Variants in ST6GAL2 observed in about 807,000 individuals in gnomAD.
ST6GAL2 encodes ST6 beta-galactoside alpha-2,6-sialyltransferase 2.
In ST6GAL2, 24 loss-of-function variants were observed where a neutral mutation model predicts 37.5. The ratio of observed to expected loss-of-function variants is 0.64; its 90% CI spans 0.46 to 0.90. The LOEUF (loss-of-function observed/expected upper bound fraction) is 0.90. Ranked by LOEUF, ST6GAL2 falls within the 40% of genes least tolerant of loss-of-function variation. The pLI is 0.00. For missense variants in ST6GAL2, 715 were observed against 712.7 expected, an observed-to-expected ratio of 1.00 and a Z score of -0.04; for synonymous variants, 306 against 295.1, an observed-to-expected ratio of 1.04 and a Z score of -0.38.
rs1677029880 is a variant in ST6GAL2 at position 106,843,783 on chromosome 2, T to C, written c.195A>G (p.Ala65=). Residue 65 remains alanine (A), a synonymous_variant, in exon 2 of 6, where the codon GCA becomes GCG. Transcript: ENST00000409382. ...QGKQRAIMGA[A]HEPSPPGGLD... is the part of the protein sequence containing the mutation. ...GGCCCCCAGGCGGGGAGGGCTCATG[T>C]GCGGCGCCCATGATGGCCCGCTGCT... is the stretch of plus-strand genomic sequence containing the variant. 1 of 1,610,644 alleles carries C rather than the reference T, an allele frequency of 6.2e-7. No individual in the cohort carries two copies. The highest frequency in any genetic ancestry group is 8.5e-7 in the Non-Finnish European group (1 of 1,178,364).
chr2:106,828,042 C>A (rs1002734675), intron 5 of ST6GAL2, among the ~76,000 whole-genome samples: 13 of 152,170 alleles, frequency 8.5e-5, no homozygotes, highest in Non-Finnish European at 1.5e-5. Flanking sequence ...GCTTCTGAAA[C>A]TTTAAATTCT....
chr2:106,805,770 C>G lies in ST6GAL2; in HGVS notation c.*908G>C, dbSNP rs775830471. 1.3e-5 allele frequency: 2 copies of G among 152,220 alleles called. No individual in the cohort carries two copies. The highest frequency in any genetic ancestry group is 2.9e-5 in the Non-Finnish European group (2 of 68,042). The allele number at this position is 152,220 out of a possible 1,614,324, so 9.4% of individuals were successfully genotyped here. On this transcript the variant is annotated 3_prime_UTR_variant, in exon 6 of 6. Transcript: ENST00000409382. ...GAAGGAGCAAGGTGTCTCCCGTCTT[C>G]CCCAGCACAGCTGTGCCAATTGTCA...
intron 2 of ST6GAL2, among the ~76,000 whole-genome samples, chr2:106,842,615 CT>C (rs1676936899): frequency 6.6e-6 from 1 of 152,208 alleles, no homozygotes; most frequent in Non-Finnish European, 1.5e-5. Flanking sequence ...CATATTCCCA[CT>C]GCAGGATGGG....
intron 5 of ST6GAL2, among the ~76,000 whole-genome samples, chr2:106,812,763 G>C (rs1287163899): frequency 6.6e-6 from 1 of 152,180 alleles, no homozygotes; most frequent in Admixed American, 6.5e-5. Flanking sequence ...ATCTGGTTAT[G>C]CTAAAAATGT....
At chr2:106,850,659 A>AT (rs770770050) in intron 1 of ST6GAL2, among the ~76,000 whole-genome samples, 13 of 152,224 alleles carry the variant, frequency 8.5e-5, no homozygotes, top group African/African-American at 7.2e-5. Context: ...AGTCATCAGC[A>AT]TATCTGTAAC....
chr2:106,884,128 G>A (rs563708414), intron 1 of ST6GAL2, among the ~76,000 whole-genome samples: 1 of 152,038 alleles, frequency 6.6e-6, no homozygotes, highest in Admixed American at 6.5e-5. Flanking sequence ...CTCGGGGGTG[G>A]GGGGGTGGAA....
intron 1 of ST6GAL2, among the ~76,000 whole-genome samples, chr2:106,883,971 G>T (rs1355586998): frequency 1.3e-5 from 2 of 152,190 alleles, no homozygotes; most frequent in Non-Finnish European, 2.9e-5. Flanking sequence ...CAGAAGCCTA[G>T]AAATCAGTTT....
chr2:106,843,276 G>C lies in ST6GAL2; in HGVS notation c.702C>G (p.His234Gln), dbSNP rs1166420396. Residue 234 changes from histidine (H) to glutamine (Q), a missense_variant, in exon 2 of 6, where the codon CAC becomes CAG. His to Gln is a conservative substitution (Grantham distance 24). Transcript: ENST00000409382. The part of the protein sequence containing the change: ...AMKDYLTANK[H>Q]GVRFRGKREA... Reference sequence around the variant, plus strand: ...CCCGCTTCCCGCGGAAGCGCACCCCGTGCTTGTTGGCGGTCAGGTAATCCT... The same window carrying C: ...CCCGCTTCCCGCGGAAGCGCACCCCCTGCTTGTTGGCGGTCAGGTAATCCT... The C allele has an allele frequency of 6.2e-7, 1 of 1,609,246 alleles. No individual in the cohort carries two copies. The highest frequency in any genetic ancestry group is 2.2e-5 in the East Asian group (1 of 44,684).
At position 106,834,078 on chromosome 2, in the gene ST6GAL2, T is replaced by C. The variant is rs1017818811; in HGVS notation, c.1012A>G (p.Lys338Glu). The C allele has an allele frequency of 3.1e-6, 5 of 1,613,812 alleles. No individual in the cohort carries two copies. Among genetic ancestry groups the C allele is most frequent in the Non-Finnish European group, 3.4e-6 (4 of 1,179,764 alleles). The change falls in exon 3 of 6, where the codon AAA (lysine) becomes GAA (glutamate). Residue 338 changes from lysine to glutamate, a missense_variant. Physicochemically the swap from Lys to Glu is moderately conservative, Grantham distance 56 (BLOSUM62 1). Transcript: ENST00000409382. The stretch of plus-strand genomic sequence containing the variant: ...GAATTAATGATGCGTATGGTGGTTT[T>C]ATTCCCAACATCTTTCTCATAACCA... ...TRGYEKDVGN[K>E]TTIRIINSQI...
chr2:106,874,499 T>A (rs1049817792), intron 1 of ST6GAL2, among the ~76,000 whole-genome samples: 10 of 152,028 alleles, frequency 6.6e-5, no homozygotes, highest in Non-Finnish European at 8.8e-5. Flanking sequence ...CTGGGGAATC[T>A]AAGGAGAAGA....
intron 1 of ST6GAL2, among the ~76,000 whole-genome samples, chr2:106,859,675 C>T (rs916635913): frequency 2.0e-5 from 3 of 152,144 alleles, no homozygotes; most frequent in African/African-American, 4.8e-5. Flanking sequence ...ACTCTGACAA[C>T]GCATTGCCTT....
intron 1 of ST6GAL2, among the ~76,000 whole-genome samples, chr2:106,872,808 T>G (rs1234346152): frequency 6.6e-6 from 1 of 152,048 alleles, no homozygotes; most frequent in Non-Finnish European, 1.5e-5. Flanking sequence ...CCTTTTGTTT[T>G]AAACTTCATG....
intron 2 of ST6GAL2, 126 bp from the exon 3 acceptor site, chr2:106,834,272 G>T: frequency 3.8e-6 from 2 of 520,266 alleles, no homozygotes; most frequent in Admixed American, 3.6e-5. Flanking sequence ...GTTAAGATAT[G>T]CCCACATGAT....
intron 1 of ST6GAL2, among the ~76,000 whole-genome samples, chr2:106,864,819 A>C (rs987887819): frequency 3.9e-5 from 6 of 152,162 alleles, no homozygotes; most frequent in Admixed American, 2.0e-4. Flanking sequence ...TGGGTTCTCT[A>C]ATAGTCTGCA....
chr2:106,835,946 A>G (rs1308781768), intron 2 of ST6GAL2, among the ~76,000 whole-genome samples: 1 of 152,250 alleles, frequency 6.6e-6, no homozygotes, highest in African/African-American at 2.4e-5. Flanking sequence ...TTGTCAAAAA[A>G]TTCAAATAAT....
At chr2:106,845,453 T>C (rs976020933) in intron 1 of ST6GAL2, among the ~76,000 whole-genome samples, 14 of 152,100 alleles carry the variant, frequency 9.2e-5, no homozygotes, top group African/African-American at 2.9e-4. Flanking sequence ...AATCAGATAC[T>C]CAGAAAGTAG....
At chr2:106,832,009 A>G (rs1170850005) in intron 4 of ST6GAL2, among the ~76,000 whole-genome samples, 1 of 152,206 alleles carries the variant, frequency 6.6e-6, no homozygotes, top group Non-Finnish European at 1.5e-5. Flanking sequence ...GAATGTCCCA[A>G]ATATAACCTG....
chr2:106,850,820 T>C (rs1213489386), intron 1 of ST6GAL2, among the ~76,000 whole-genome samples: 1 of 152,234 alleles, frequency 6.6e-6, no homozygotes, highest in Non-Finnish European at 1.5e-5. Flanking sequence ...TGAAATATTA[T>C]AATTATACAA....
In ST6GAL2 at chr2:106,867,918, T is replaced by C. The variant is rs1004433446; in HGVS notation, c.-58+18175A>G. On this transcript the variant is annotated intron_variant, in intron 1 of 5. Transcript: ENST00000409382. ...CTCCCTCCCCCCACAAAAGCCACTG[T>C]CTGGGTTGTAAGTTAAATCAATCAT... is the stretch of plus-strand genomic sequence containing the variant. Among the ~76,000 whole-genome samples the C allele has an allele frequency of 2.0e-5, 3 of 152,144 alleles. No individual in the cohort carries two copies. In the South Asian group the frequency reaches 6.2e-4, roughly 32 times the overall value.
Sources: gnomAD v4.1 joint callset for allele counts (sites outside exome capture counted in the v4.1 genomes callset) on GRCh38, gnomAD v4.1.1 for gene constraint, MANE v1.5 for transcripts, NCBI Gene and HGNC (gene_info 2026-07-23, HGNC 2026-07-21) for gene names.